Variants in IMMP1L observed in about 807,000 individuals in gnomAD.
IMMP1L encodes the protein mitochondrial inner membrane protease subunit 1.
IMMP1L carries 24 observed loss-of-function variants against 21.8 expected under a neutral mutation model. The ratio of observed to expected loss-of-function variants is 1.10; its 90% CI spans 0.80 to 1.55. IMMP1L has a LOEUF of 1.55. Among genes scored for constraint, IMMP1L ranks in the 40% most tolerant of loss-of-function variants. The pLI, the probability that IMMP1L is intolerant of heterozygous loss-of-function variation, is 0.00. For missense variants in IMMP1L, 195 were observed against 200.7 expected (o/e 0.97, Z 0.17); for synonymous variants, 46 against 62.8 (o/e 0.73, Z 1.26).
intron 1 of IMMP1L, among the ~76,000 whole-genome samples, chr11:31,492,911 G>C (rs1420529549): frequency 1.3e-5 from 2 of 152,102 alleles, no homozygotes; most frequent in Non-Finnish European, 2.9e-5. Context: ...ATATAATAAT[G>C]ATAAGAAGGT....
At chr11:31,501,965 A>G (rs1361472065) in intron 1 of IMMP1L, among the ~76,000 whole-genome samples, 1 of 151,814 alleles carries the variant, frequency 6.6e-6, no homozygotes, top group Non-Finnish European at 1.5e-5. Context: ...GCAACAGAGT[A>G]AGACTGTCTC....
At chr11:31,440,670 C>T (rs921059396) in intron 4 of IMMP1L, among the ~76,000 whole-genome samples, 6 of 152,198 alleles carry the variant, frequency 3.9e-5, no homozygotes, top group African/African-American at 1.4e-4. Context: ...GGATTACAGT[C>T]GTGAGCCACT....
chr11:31,508,779 C>A (rs778087410), intron 1 of IMMP1L, among the ~76,000 whole-genome samples: 1 of 152,058 alleles, frequency 6.6e-6, no homozygotes, highest in Non-Finnish European at 1.5e-5. Context: ...TGCCTTTAAA[C>A]ATCAGTTACC....
intron 1 of IMMP1L, among the ~76,000 whole-genome samples, chr11:31,485,170 A>G (rs752271094): frequency 4.0e-5 from 6 of 151,878 alleles, no homozygotes; most frequent in Non-Finnish European, 5.9e-5. Context: ...TGTTACTTCT[A>G]TATTTTTTAA....
At chr11:31,491,432 CTTG>C (rs1215957119) in intron 1 of IMMP1L, among the ~76,000 whole-genome samples, 8 of 152,096 alleles carry the variant, frequency 5.3e-5, no homozygotes, top group African/African-American at 1.9e-4. Context: ...AATAGCAGTC[CTTG>C]TTGTAAAGTG....
chr11:31,457,194 A>G (rs960654386), intron 3 of IMMP1L, among the ~76,000 whole-genome samples: 4 of 152,086 alleles, frequency 2.6e-5, no homozygotes, highest in Admixed American at 2.6e-4. Flanking sequence ...AAAATGCTAA[A>G]AGCTGCCTAA....
At chr11:31,436,637 G>A (rs1953130677) in intron 4 of IMMP1L, among the ~76,000 whole-genome samples, 1 of 151,950 alleles carries the variant, frequency 6.6e-6, no homozygotes, top group Admixed American at 6.6e-5. Context: ...TCACCATGTT[G>A]GCCAGGCTGG....
At chr11:31,494,770 C>T (rs375179174) in intron 1 of IMMP1L, among the ~76,000 whole-genome samples, 24 of 152,216 alleles carry the variant, frequency 1.6e-4, no homozygotes, top group African/African-American at 5.5e-4. Context: ...CTAAGCCTCC[C>T]AAGTAGCTGG....
At chr11:31,437,474 T>C (rs1482245396) in intron 4 of IMMP1L, among the ~76,000 whole-genome samples, 2 of 152,184 alleles carry the variant, frequency 1.3e-5, no homozygotes, top group African/African-American at 4.8e-5. Context: ...TTAGGGATGC[T>C]CAACCCATAC....
chr11:31,450,110 A>G (rs1953690979), intron 4 of IMMP1L, among the ~76,000 whole-genome samples: 1 of 152,238 alleles, frequency 6.6e-6, no homozygotes. Context: ...GGAGAAATTT[A>G]TAAACTTCAG....
chr11:31,453,845 T>C (rs1235422695), intron 4 of IMMP1L, among the ~76,000 whole-genome samples: 1 of 152,186 alleles, frequency 6.6e-6, no homozygotes, highest in Non-Finnish European at 1.5e-5. Flanking sequence ...AAAGTAAGTA[T>C]AATTTGATGA....
intron 4 of IMMP1L, among the ~76,000 whole-genome samples, chr11:31,454,449 CAAAAAAAAAA>C (rs71463320): frequency 4.3e-4 from 13 of 30,400 alleles, no homozygotes; most frequent in South Asian, 1.9e-3. Context: ...AAGACCATGT[CAAAAAAAAAA>C]AAAAAAAAAA....
At chr11:31,488,345 T>C (rs530339660) in intron 1 of IMMP1L, 2 of 152,198 alleles carry the variant, frequency 1.3e-5, no homozygotes, top group Non-Finnish European at 2.9e-5. Flanking sequence ...TAACGGTGCG[T>C]CTTCCTCTTA....
At chr11:31,459,138 T>C (rs1954053459) in intron 3 of IMMP1L, among the ~76,000 whole-genome samples, 1 of 152,224 alleles carries the variant, frequency 6.6e-6, no homozygotes, top group African/African-American at 2.4e-5. Flanking sequence ...CAATTAAGTA[T>C]ATAGAAGTTG....
chr11:31,474,290 CATT>C (rs141750140), intron 1 of IMMP1L, among the ~76,000 whole-genome samples: 3,044 of 152,186 alleles, frequency 0.02, 86 homozygotes, highest in African/African-American at 0.069. Context: ...AACAAAGACT[CATT>C]ATGCTGAGTA....
At chr11:31,462,045 T>G (rs766371211) in intron 2 of IMMP1L, among the ~76,000 whole-genome samples, 3 of 152,160 alleles carry the variant, frequency 2.0e-5, no homozygotes, top group Non-Finnish European at 1.5e-5. Context: ...CCAGGTACAG[T>G]TGCTCATACC....
At position 31,508,969 on chromosome 11, in the gene IMMP1L, T is replaced by A. The variant is rs142918562; in HGVS notation, c.-30+550A>T. ...TTTTTTGGGGGAAAGAAACCCTAAG[T>A]ATTTTCTGTTATTTGCAGCTGCTTT... On this transcript the variant is annotated intron_variant, in intron 1 of 5. Coordinates refer to ENST00000532287, the MANE Select transcript of IMMP1L (RefSeq NM_001304274.2). Among the ~76,000 whole-genome samples, 314 of 152,386 alleles carry A rather than the reference T, an allele frequency of 2.1e-3. 4 individuals are homozygous for A. Among genetic ancestry groups the A allele is most frequent in the African/African-American group, 7.1e-3 (297 of 41,590 alleles).
intron 1 of IMMP1L, among the ~76,000 whole-genome samples, chr11:31,478,769 T>A (rs1403659667): frequency 1.3e-5 from 2 of 152,158 alleles, no homozygotes; most frequent in African/African-American, 4.8e-5. Flanking sequence ...CCATTTTAAA[T>A]AAAATATGTA....
intron 1 of IMMP1L, among the ~76,000 whole-genome samples, chr11:31,505,343 C>T (rs758169200): frequency 2.0e-5 from 3 of 152,156 alleles, no homozygotes; most frequent in Non-Finnish European, 4.4e-5. Flanking sequence ...TGGAGAAATT[C>T]AAGAGTTAAC....
Sources: allele counts gnomAD v4.1 joint callset (sites outside exome capture counted in the v4.1 genomes callset), GRCh38; gene constraint gnomAD v4.1.1; transcripts MANE v1.5; gene names NCBI Gene and HGNC (gene_info 2026-07-23, HGNC 2026-07-21).